The following VAT1L variants were observed in gnomAD, a reference collection of about 807,000 sequenced individuals.
VAT1L encodes vesicle amine transport 1 like, also known as putative NADPH-dependent quinone oxidoreductase VAT1L.
VAT1L carries 34 observed loss-of-function variants against 44.1 expected under a neutral mutation model. The ratio of observed to expected loss-of-function variants is 0.77; its 90% CI spans 0.59 to 1.03. VAT1L has a LOEUF of 1.03. VAT1L is among the 50% of genes least tolerant of loss of function. The pLI is 0.00. For synonymous variants in VAT1L, 253 were observed against 202.2 expected (o/e 1.25, Z -2.13); for missense variants, 615 against 538.8 (o/e 1.14, Z -1.40).
At chr16:77,969,053 A>G (rs950827606) in intron 7 of VAT1L, among the ~76,000 whole-genome samples, 1 of 152,192 alleles carries the variant, frequency 6.6e-6, no homozygotes, top group African/African-American at 2.4e-5. Flanking sequence ...TCCTAACCTC[A>G]AGTGATCTTC....
At chr16:77,973,669 G>C (rs1461678141) in intron 8 of VAT1L, among the ~76,000 whole-genome samples, 2 of 129,522 alleles carry the variant, frequency 1.5e-5, no homozygotes, top group Admixed American at 8.1e-5. Flanking sequence ...AGCTGCATCA[G>C]TTCTTTAAAA....
Position 77,879,142 on chromosome 16 carries a change from C to A in VAT1L, c.827-27C>A. The stretch of plus-strand genomic sequence containing the variant: ...AGATGTCCATTTTCATTAGCAATTG[C>A]TTAATGTGGGAATCTTTCATTTTCA... On this transcript the variant is annotated intron_variant, in intron 5 of 8. Transcript: ENST00000302536. The surrounding 1 kb of genome is among the most constrained non-coding windows in gnomAD (Gnocchi z 4.1). The A allele has an allele frequency of 1.2e-6, 2 of 1,613,048 alleles. No individual in the cohort carries two copies. The highest frequency in any genetic ancestry group is 2.7e-5 in the African/African-American group (2 of 75,030).
At chr16:77,931,725 G>C (rs1024553106) in intron 7 of VAT1L, among the ~76,000 whole-genome samples, 1 of 152,146 alleles carries the variant, frequency 6.6e-6, no homozygotes, top group Non-Finnish European at 1.5e-5. Context: ...AAGCCCCTAG[G>C]CAGGGGGCAA....
intron 7 of VAT1L, among the ~76,000 whole-genome samples, chr16:77,958,315 A>G (rs2018125433): frequency 6.6e-6 from 1 of 152,152 alleles, no homozygotes; most frequent in Non-Finnish European, 1.5e-5. Flanking sequence ...CATATCAAAT[A>G]AATTGCTTCC....
intron 3 of VAT1L, among the ~76,000 whole-genome samples, chr16:77,851,168 C>T (rs1313859221): frequency 6.6e-6 from 1 of 152,212 alleles, no homozygotes. Flanking sequence ...AGATACTAGC[C>T]CGTCTTTCTA....
At chr16:77,934,520 C>T (rs898701596) in intron 7 of VAT1L, among the ~76,000 whole-genome samples, 1 of 152,058 alleles carries the variant, frequency 6.6e-6, no homozygotes, top group African/African-American at 2.4e-5. Flanking sequence ...CCAGCTGACA[C>T]CTTGATTTTA....
chr16:77,974,726 CT>C (rs2018316974), intron 8 of VAT1L, among the ~76,000 whole-genome samples: 1 of 152,052 alleles, frequency 6.6e-6, no homozygotes, highest in African/African-American at 2.4e-5. Flanking sequence ...CCACACCCAG[CT>C]AATTTTTTTT....
intron 2 of VAT1L, among the ~76,000 whole-genome samples, chr16:77,817,982 G>T (rs1385252664): frequency 6.6e-6 from 1 of 152,130 alleles, no homozygotes; most frequent in Admixed American, 6.5e-5. Context: ...AGCAAAGATT[G>T]TTATCCCCTT....
chr16:77,801,992 C>T (rs1429154568), intron 1 of VAT1L, among the ~76,000 whole-genome samples: 1 of 152,182 alleles, frequency 6.6e-6, no homozygotes, highest in Admixed American at 6.5e-5. Flanking sequence ...CTTCCTGAAA[C>T]AGTCCTTTCA....
At chr16:77,865,060 A>G (rs1392615540) in intron 4 of VAT1L, among the ~76,000 whole-genome samples, 1 of 132,462 alleles carries the variant, frequency 7.5e-6, no homozygotes. Flanking sequence ...TGCAAGCTCC[A>G]CCTCCTGGGT....
chr16:77,823,625 A>T (rs1169445412), intron 2 of VAT1L, among the ~76,000 whole-genome samples: 1 of 152,224 alleles, frequency 6.6e-6, no homozygotes, highest in Non-Finnish European at 1.5e-5. Flanking sequence ...ATATCCTATT[A>T]AGCTTTCATG....
At chr16:77,789,137 G>A (rs1007218159) in intron 1 of VAT1L, among the ~76,000 whole-genome samples, 1 of 152,154 alleles carries the variant, frequency 6.6e-6, no homozygotes, top group Admixed American at 6.5e-5. Flanking sequence ...GAGAATGTGA[G>A]CTCCTGGGCG....
chr16:77,848,688 G>A (rs1352742615), intron 3 of VAT1L, among the ~76,000 whole-genome samples: 1 of 152,144 alleles, frequency 6.6e-6, no homozygotes, highest in Non-Finnish European at 1.5e-5. Context: ...GTGATCAGGG[G>A]TACTTCCGCA....
chr16:77,789,766 C>G (rs1216584509), intron 1 of VAT1L, among the ~76,000 whole-genome samples: 1 of 151,654 alleles, frequency 6.6e-6, no homozygotes, highest in Non-Finnish European at 1.5e-5. Flanking sequence ...TCTAAGCTGC[C>G]CTCTATTCCC....
chr16:77,846,466 T>A (rs1399203366), intron 3 of VAT1L, among the ~76,000 whole-genome samples: 1 of 152,180 alleles, frequency 6.6e-6, no homozygotes, highest in East Asian at 1.9e-4. Flanking sequence ...CCACCTTCAC[T>A]ACTGGCAATA....
intron 1 of VAT1L, among the ~76,000 whole-genome samples, chr16:77,795,723 C>T (rs1328124820): frequency 1.3e-5 from 2 of 151,500 alleles, no homozygotes; most frequent in African/African-American, 4.9e-5. Context: ...AGTGCTGGGG[C>T]TCTGGTTTCA....
rs1343019597 is a variant in VAT1L, at chr16:77,904,149, C to T, written c.1077+19347C>T. ...AGAGAAACGCTTCTGTATTATTTTA[C>T]ACCACTCTATCTTATTCTTGGTGTT... On this transcript the variant is annotated intron_variant, in intron 7 of 8. Transcript: ENST00000302536. 2.0e-5 allele frequency among the ~76,000 whole-genome samples: 3 copies of T among 151,378 alleles called. No homozygotes were observed. The East Asian group carries it at 5.8e-4, about 29-fold the overall frequency.
intron 3 of VAT1L, among the ~76,000 whole-genome samples, chr16:77,850,478 A>T (rs933975948): frequency 1.3e-5 from 2 of 152,080 alleles, no homozygotes; most frequent in East Asian, 3.9e-4. Context: ...TCCTTGACTT[A>T]ATATTAGGAT....
At chr16:77,948,278 G>A (rs1289430933) in intron 7 of VAT1L, among the ~76,000 whole-genome samples, 6 of 152,136 alleles carry the variant, frequency 3.9e-5, no homozygotes, top group African/African-American at 7.2e-5. Flanking sequence ...CATAGTAGGT[G>A]GAGGTTATTA....
Sources: gnomAD v4.1 joint callset for allele counts (sites outside exome capture counted in the v4.1 genomes callset) on GRCh38, gnomAD v4.1.1 for gene constraint, Gnocchi (gnomAD v3.1) non-coding constraint, MANE v1.5 for transcripts, NCBI Gene and HGNC (gene_info 2026-07-23, HGNC 2026-07-21) for gene names.